GRAMD4: variants seen among roughly 807,000 people sequenced by gnomAD.
GRAMD4 encodes the protein GRAM domain containing 4.
GRAMD4 carries 25 observed loss-of-function variants against 83.9 expected under a neutral mutation model. The observed-to-expected ratio is 0.30, with a 90% confidence interval of 0.22 to 0.42. The LOEUF (loss-of-function observed/expected upper bound fraction) is 0.42, where lower values mean the gene tolerates loss of function less well. Ranked by LOEUF, GRAMD4 falls within the 10% of genes least tolerant of loss-of-function variation. The pLI, the probability that GRAMD4 is intolerant of heterozygous loss-of-function variation, is 1.00. For missense variants in GRAMD4, 593 were observed against 788.7 expected, an observed-to-expected ratio of 0.75 and a Z score of 2.97; for synonymous variants, 336 against 320.9, an observed-to-expected ratio of 1.05 and a Z score of -0.50.
chr22:46,667,540 T>C (rs1241677409), intron 10 of GRAMD4, among the ~76,000 whole-genome samples: 1 of 152,182 alleles, frequency 6.6e-6, no homozygotes, highest in Admixed American at 6.5e-5. Flanking sequence ...AGAAGTCTGC[T>C]CTAGAGGGAG....
chr22:46,600,121 T>C (rs2081298337), intron 1 of GRAMD4, among the ~76,000 whole-genome samples: 1 of 152,182 alleles, frequency 6.6e-6, no homozygotes, highest in African/African-American at 2.4e-5. Flanking sequence ...TCGACTGTTT[T>C]ATGCCTCGAT....
intron 1 of GRAMD4, among the ~76,000 whole-genome samples, chr22:46,623,334 G>A (rs1451656091): frequency 6.6e-6 from 1 of 152,210 alleles, no homozygotes; most frequent in African/African-American, 2.4e-5. Context: ...GGGCGTCTGT[G>A]TGCTTGCTCT....
chr22:46,653,078 C>T (rs960800792), intron 3 of GRAMD4, among the ~76,000 whole-genome samples: 5 of 152,328 alleles, frequency 3.3e-5, no homozygotes, highest in South Asian at 2.1e-4. Flanking sequence ...AGCGGTCAGA[C>T]GCTCCAGCTG....
exon 1 of GRAMD4, chr22:46,577,143 C>G (rs2081049458): frequency 7.0e-6 from 2 of 283,910 alleles, no homozygotes; most frequent in African/African-American, 2.3e-5. Context: ...CGCCTCCGCG[C>G]TCGTGGCCGG....
At chr22:46,613,292 C>T (rs115353117) in intron 1 of GRAMD4, among the ~76,000 whole-genome samples, 11,105 of 152,220 alleles carry the variant, frequency 0.073, 684 homozygotes, top group African/African-American at 0.17. Context: ...GCCTGGCTTC[C>T]GGCTGCCGCG....
rs532538154 is a variant in GRAMD4, at chr22:46,605,007, G to A, written c.-49-21744G>A. The stretch of plus-strand genomic sequence containing the variant: ...GTTTTGGTGCCATAATGTTCTCTGG[G>A]TTCACCCAGGTTTTGGTGCCATAAT... On this transcript the variant is annotated intron_variant, in intron 1 of 1. Coordinates refer to the GRAMD4 transcript ENST00000431155. 3.0e-4 allele frequency among the ~76,000 whole-genome samples: 31 copies of A among 104,648 alleles called. 1 individual carries two copies. The highest frequency in any genetic ancestry group is 1.4e-3 in the African/African-American group (29 of 21,292). 68.7% of individuals were successfully genotyped at this position (104,648 alleles called of 152,430 possible). A position where few individuals can be genotyped will look rare whatever the true frequency, so the allele number is the denominator to read the frequency against.
intron 1 of GRAMD4, among the ~76,000 whole-genome samples, chr22:46,596,357 G>T (rs1046784633): frequency 6.6e-6 from 1 of 152,232 alleles, no homozygotes; most frequent in African/African-American, 2.4e-5. Flanking sequence ...CTTTCTGCAG[G>T]GTCCTGCAGG....
chr22:46,660,684 T>C (rs2082313549), intron 4 of GRAMD4, among the ~76,000 whole-genome samples: 1 of 152,222 alleles, frequency 6.6e-6, no homozygotes, highest in East Asian at 1.9e-4. Flanking sequence ...CCTCACTGTC[T>C]GCTTCCTGCC....
At chr22:46,676,747 GGGGCAGACAGCCAGAGTTTTAGTTT>G in intron 18 of GRAMD4, 79 bp downstream of exon 18, 1 of 1,277,550 alleles carries the variant, frequency 7.8e-7, no homozygotes, top group Non-Finnish European at 1.1e-6. Flanking sequence ...GGACCAGCGT[GGGGCAGACAGCCAGAGTTTTAGTTT>G]GGGCAGCAGG....
upstream of GRAMD4, among the ~76,000 whole-genome samples, chr22:46,619,865 C>T (rs970149510): frequency 3.9e-5 from 6 of 152,184 alleles, no homozygotes; most frequent in Admixed American, 6.5e-5. Context: ...GTGTCTGTGT[C>T]GCTCAACATC....
rs773345467 is a variant in GRAMD4, at chr22:46,637,881, C to A, written c.204C>A (p.Asp68Glu). The change falls in exon 3 of 19, where the codon GAC becomes GAA. Residue 68 changes from aspartate (D) to glutamate (E), a missense_variant. By Grantham distance (45) the Asp-to-Glu change is conservative. Transcript: ENST00000406902. ...GTLIMATGVQ[D>E]FNRTEFDRLN... ...TCATCATGGCCACAGGAGTCCAGGA[C>A]TTTAACCGGACAGAGTTTGATCGAC... 2 of 1,613,976 alleles carry A rather than the reference C, an allele frequency of 1.2e-6. No individual in the cohort carries two copies. Among genetic ancestry groups the A allele is most frequent in the African/African-American group, 1.3e-5 (1 of 75,066 alleles).
rs758199387 is a variant in GRAMD4 at position 46,675,513 on chromosome 22, C to T, written c.1524C>T (p.Asn508=). 29 of 1,613,238 alleles carry T rather than the reference C, an allele frequency of 1.8e-5. No individual in the cohort carries two copies. In the Middle Eastern group the frequency reaches 9.9e-4, roughly 55 times the overall value. The change falls in exon 17 of 19, where the codon AAC becomes AAT. Residue 508 remains asparagine, a synonymous_variant. Transcript: ENST00000406902. The part of the protein sequence containing the change: ...ESSKSGSSKR[N]KVIKLVDITD... ...CCAAATCTGGGTCCTCAAAGAGGAA[C>T]AAAGTCATCAAGCTAGTGGACATCA...
At chr22:46,644,715 T>G (rs2082045632) in intron 3 of GRAMD4, among the ~76,000 whole-genome samples, 3 of 81,862 alleles carry the variant, frequency 3.7e-5, no homozygotes, top group South Asian at 4.1e-4. Flanking sequence ...TTTTTTTTTT[T>G]TTTTTTTTTT....
At chr22:46,617,076 G>C (rs1163725196), upstream of GRAMD4, among the ~76,000 whole-genome samples, 87 of 125,668 alleles carry the variant, frequency 6.9e-4, no homozygotes, top group East Asian at 1.5e-3. Flanking sequence ...GTTCCCCTGT[G>C]CGTGTGGGTT....
At position 46,674,721 on chromosome 22, in the gene GRAMD4, CA is replaced by C; in HGVS notation, c.1450del (p.Arg484GlyfsTer30). ...RDRKMPTDYI[R>X]NGVLYVTENY... ...ACCGGAAGATGCCCACGGACTACAT[CA>C]GGAACGGGGTGCTCTACGTCACGGA... On this transcript the variant is annotated frameshift_variant, in exon 16 of 19. Coordinates refer to ENST00000406902, the MANE Select transcript of GRAMD4 (RefSeq NM_015124.5). LOFTEE classifies it high-confidence loss of function. The C allele has an allele frequency of 6.2e-7, 1 of 1,612,354 alleles. No individual in the cohort carries two copies. The highest frequency in any genetic ancestry group is 8.5e-7 in the Non-Finnish European group (1 of 1,179,046).
At chr22:46,604,486 C>T (rs912426977) in intron 1 of GRAMD4, among the ~76,000 whole-genome samples, 1 of 152,190 alleles carries the variant, frequency 6.6e-6, no homozygotes, top group Non-Finnish European at 1.5e-5. Context: ...ACCGTCACTA[C>T]CATTCATCCC....
intron 1 of GRAMD4, among the ~76,000 whole-genome samples, chr22:46,593,407 T>C (rs553022780): frequency 6.6e-6 from 1 of 152,200 alleles, no homozygotes; most frequent in African/African-American, 2.4e-5. Flanking sequence ...ATTTGGCAGG[T>C]GTTCTCTGAC....
chr22:46,608,898 C>T (rs5767293), intron 1 of GRAMD4, among the ~76,000 whole-genome samples: 130,393 of 151,212 alleles, frequency 0.86, 56,387 homozygotes, highest in East Asian at 1. Context: ...TAGTACCAGC[C>T]TCCCCAGAGG....
At chr22:46,635,958 G>C (rs1421333015) in intron 2 of GRAMD4, among the ~76,000 whole-genome samples, 2 of 152,172 alleles carry the variant, frequency 1.3e-5, no homozygotes, top group African/African-American at 4.8e-5. Context: ...CCTCCTCCTG[G>C]CTGCGTGTGG....
Sources: allele counts gnomAD v4.1 joint callset (sites outside exome capture counted in the v4.1 genomes callset), GRCh38; gene constraint gnomAD v4.1.1; transcripts MANE v1.5; gene names NCBI Gene and HGNC (gene_info 2026-07-23, HGNC 2026-07-21).